STT3B: variants seen among roughly 807,000 people sequenced by gnomAD.
STT3B encodes the protein STT3 oligosaccharyltransferase complex catalytic subunit B, also known as dolichyl-diphosphooligosaccharide--protein glycosyltransferase subunit STT3B.
A neutral mutation model predicts 96.8 loss-of-function variants in STT3B; 29 were observed. The observed-to-expected ratio is 0.30, with a 90% CI of 0.22 to 0.41. STT3B has a LOEUF of 0.41. Among genes scored for constraint, STT3B ranks in the 10% least tolerant of loss-of-function variants. The probability of loss-of-function intolerance (pLI) is 1.00; values close to 1 mark genes in which losing one functional copy is unlikely to be tolerated. For missense variants in STT3B, 640 were observed against 1,022.3 expected, an observed-to-expected ratio of 0.63 and a Z score of 5.10; for synonymous variants, 367 against 360.0, an observed-to-expected ratio of 1.02 and a Z score of -0.22.
At chr3:31,623,968 T>G in intron 11 of STT3B, 107 bp downstream of exon 11, 1 of 979,366 alleles carries the variant, frequency 1.0e-6, no homozygotes, top group South Asian at 2.2e-5. Context: ...ATTCTGCATT[T>G]GCTTGTTTTT....
At chr3:31,567,771 G>A (rs1028488092) in intron 1 of STT3B, among the ~76,000 whole-genome samples, 3 of 151,958 alleles carry the variant, frequency 2.0e-5, no homozygotes, top group African/African-American at 7.3e-5. Flanking sequence ...TTTTGGTACA[G>A]GCATACAATG....
intron 1 of STT3B, among the ~76,000 whole-genome samples, chr3:31,535,682 C>G (rs1415122239): frequency 6.6e-6 from 1 of 152,142 alleles, no homozygotes; most frequent in Non-Finnish European, 1.5e-5. Context: ...GAGATCGCGC[C>G]ACTGCACTCC....
chr3:31,600,413 A>G lies in STT3B; in HGVS notation c.831A>G (p.Val277=), dbSNP rs762127048. ...VFIINLIPLH[V]FVLLLMQRYS... is the part of the protein sequence containing the mutation. ...TCATCAATCTTATTCCACTGCATGT[A>G]TTTGTGTTGTTACTGATGCAGAGAT... The change falls in exon 5 of 16, where the codon GTA becomes GTG. Residue 277 remains valine, a synonymous_variant. Transcript: ENST00000295770. 3 of 1,600,200 alleles carry G rather than the reference A, an allele frequency of 1.9e-6. No homozygotes were observed. Among genetic ancestry groups the G allele is most frequent in the East Asian group, 2.3e-5 (1 of 44,406 alleles).
Position 31,615,036 on chromosome 3 carries a change from T to C in STT3B, c.878-69T>C, listed in dbSNP as rs1470361390. The stretch of plus-strand genomic sequence containing the variant: ...TACTTTGCTAAAAACAGGATTTACA[T>C]ATACATTTATGTTTTAGGTACTTAA... On this transcript the variant is annotated intron_variant, in intron 5 of 15. Transcript: ENST00000295770. 4 of 894,398 alleles carry C rather than the reference T, an allele frequency of 4.5e-6. No individual in the cohort carries two copies. In the South Asian group the frequency reaches 5.1e-5, roughly 11 times the overall value. 55.4% of individuals were successfully genotyped at this position (894,398 alleles called of 1,614,324 possible). A position where few individuals can be genotyped will look rare whatever the true frequency, so the allele number is the denominator to read the frequency against.
chr3:31,551,891 T>TACTAACAGCCTCTATGATGTTTCC (rs1385229882), intron 1 of STT3B, among the ~76,000 whole-genome samples: 2 of 152,170 alleles, frequency 1.3e-5, no homozygotes, highest in African/African-American at 4.8e-5. Flanking sequence ...GGCAAGGAAC[T>TACTAACAGCCTCTATGATGTTTCC]ACTAACAGCC....
At position 31,608,530 on chromosome 3, in the gene STT3B, T is replaced by C. The variant is rs1699109546; in HGVS notation, c.878-6575T>C. On this transcript the variant is annotated intron_variant, in intron 5 of 15. Coordinates refer to ENST00000295770, the MANE Select transcript of STT3B (RefSeq NM_178862.3). ...GGATTAGTCCTCCAGTATCTCCTTA[T>C]ATTAAAACTCGGGATATTTAGAGCA... Among the ~76,000 whole-genome samples, 6 of 152,204 alleles carry C rather than the reference T, an allele frequency of 3.9e-5. No individual in the cohort carries two copies. The South Asian group carries it at 1.0e-3, about 26-fold the overall frequency.
intron 1 of STT3B, among the ~76,000 whole-genome samples, chr3:31,548,365 A>C (rs1697467321): frequency 6.6e-6 from 1 of 152,064 alleles, no homozygotes; most frequent in African/African-American, 2.4e-5. Flanking sequence ...AACCGGGGAG[A>C]AAAAAACAGC....
Position 31,533,263 on chromosome 3 carries a change from C to T in STT3B, c.265C>T (p.Leu89Phe), listed in dbSNP as rs1393138215. 1 of 1,525,522 alleles carries T rather than the reference C, an allele frequency of 6.6e-7. No individual in the cohort carries two copies. The highest frequency in any genetic ancestry group is 2.0e-5 in the Admixed American group (1 of 49,258). 94.5% of individuals were successfully genotyped at this position (1,525,522 alleles called of 1,614,324 possible). A position where few individuals can be genotyped will look rare whatever the true frequency, so the allele number is the denominator to read the frequency against. Residue 89 changes from leucine (L) to phenylalanine (F), a missense_variant, in exon 1 of 16, where the codon CTC (leucine) becomes TTC (phenylalanine). This residue lies in a region of STT3B where 267 missense variants were observed against 388.3 expected (regional missense o/e 0.69). Coordinates refer to ENST00000295770, the MANE Select transcript of STT3B (RefSeq NM_178862.3). Reference sequence around the variant, plus strand: ...CTGGCTTGCCGGCTTCAGCTCGCGCCTCTTCGCCGTCATCCGCTTCGAAAG... The same window carrying T: ...CTGGCTTGCCGGCTTCAGCTCGCGCTTCTTCGCCGTCATCCGCTTCGAAAG... ...LAWLAGFSSR[L>F]FAVIRFESII...
Position 31,605,329 on chromosome 3 carries a change from GT to G in STT3B, c.877+4879del, listed in dbSNP as rs915832699. Among the ~76,000 whole-genome samples the G allele has an allele frequency of 1.3e-4, 19 of 151,330 alleles. 1 individual carries two copies. The highest frequency in any genetic ancestry group is 3.9e-4 in the East Asian group (2 of 5,150). On this transcript the variant is annotated intron_variant, in intron 5 of 15. Transcript: ENST00000295770. ...AATTAAAATATAACCTGTAATAGGT[GT>G]TTTTTTTTATAATTTTAAAATTTGA...
At chr3:31,558,696 A>G (rs1697783587) in intron 1 of STT3B, among the ~76,000 whole-genome samples, 1 of 152,058 alleles carries the variant, frequency 6.6e-6, no homozygotes, top group South Asian at 2.1e-4. Flanking sequence ...GTTAAGGAGA[A>G]TTCCCTCCCC....
chr3:31,626,190 A>G, intron 13 of STT3B, 63 bp downstream of exon 13: 2 of 1,401,740 alleles, frequency 1.4e-6, no homozygotes, highest in Non-Finnish European at 2.0e-6. Context: ...TAATTCTCTC[A>G]TCTTGCTAAT....
intron 2 of STT3B, among the ~76,000 whole-genome samples, chr3:31,577,717 T>C (rs1575422909): frequency 6.6e-6 from 1 of 152,094 alleles, no homozygotes; most frequent in African/African-American, 2.4e-5. Context: ...GAGAAAGACA[T>C]AAAGAGATGA....
chr3:31,627,529 C>A (rs1699562177), intron 13 of STT3B, among the ~76,000 whole-genome samples: 1 of 152,126 alleles, frequency 6.6e-6, no homozygotes, highest in Non-Finnish European at 1.5e-5. Flanking sequence ...CAGCATTGTG[C>A]TTTTACATGA....
In STT3B at chr3:31,616,955, G is replaced by T. The variant is rs753757676; in HGVS notation, c.1003G>T (p.Ala335Ser). 1 of 1,610,858 alleles carries T rather than the reference G, an allele frequency of 6.2e-7. No homozygotes were observed. The highest frequency in any genetic ancestry group is 8.5e-7 in the Non-Finnish European group (1 of 1,177,632). Residue 335 changes from alanine (A) to serine (S), a missense_variant, in exon 7 of 16, where the codon GCT (alanine) becomes TCT (serine). Physicochemically the swap from Ala to Ser is moderately conservative, Grantham distance 99. This residue lies in a region of STT3B where 267 missense variants were observed against 388.3 expected (regional missense o/e 0.69). Transcript: ENST00000295770. Reference protein sequence around the residue: ...AGVFALLQAYAFLQYLRDRLT... With the variant: ...AGVFALLQAYSFLQYLRDRLT... ...TGTCTTTGCATTGCTGCAAGCTTAT[G>T]CTTTCTTGCAGTATCTGAGAGACCG...
intron 3 of STT3B, among the ~76,000 whole-genome samples, chr3:31,584,627 G>T (rs1392973370): frequency 6.6e-6 from 1 of 152,054 alleles, no homozygotes; most frequent in Non-Finnish European, 1.5e-5. Context: ...TTAACAGAAG[G>T]ATGGAATGGT....
chr3:31,556,629 G>T (rs1423096261), intron 1 of STT3B, among the ~76,000 whole-genome samples: 1 of 152,100 alleles, frequency 6.6e-6, no homozygotes, highest in Non-Finnish European at 1.5e-5. Context: ...ATTTTTATTT[G>T]CATTTCTCTG....
At chr3:31,560,156 T>C (rs73060046) in intron 1 of STT3B, among the ~76,000 whole-genome samples, 239 of 152,240 alleles carry the variant, frequency 1.6e-3, no homozygotes, top group South Asian at 5.6e-3. Flanking sequence ...TGTATATCTT[T>C]TAAGTGGAAA....
chr3:31,594,303 G>A (rs1415783356), intron 3 of STT3B, among the ~76,000 whole-genome samples: 1 of 152,032 alleles, frequency 6.6e-6, no homozygotes, highest in Non-Finnish European at 1.5e-5. Flanking sequence ...GAGATAGCAC[G>A]AGATCCCACA....
chr3:31,636,417 T>C lies in STT3B; in HGVS notation c.*353T>C, dbSNP rs1699756256. On this transcript the variant is annotated 3_prime_UTR_variant, in exon 16 of 16. Coordinates refer to ENST00000295770, the MANE Select transcript of STT3B (RefSeq NM_178862.3). Reference sequence around the variant, plus strand: ...CATACTTGTCAATGTTTTTATTCTTTTACAAGACCTGCATTTTATTTGAAT... The same window carrying C: ...CATACTTGTCAATGTTTTTATTCTTCTACAAGACCTGCATTTTATTTGAAT... 2 of 171,166 alleles carry C rather than the reference T, an allele frequency of 1.2e-5. No individual in the cohort carries two copies. Among genetic ancestry groups the C allele is most frequent in the East Asian group, 1.6e-4 (1 of 6,424 alleles). 10.6% of individuals were successfully genotyped at this position (171,166 alleles called of 1,614,324 possible).
Sources: allele counts gnomAD v4.1 joint callset (sites outside exome capture counted in the v4.1 genomes callset), GRCh38; gene constraint gnomAD v4.1.1; regional missense constraint gnomAD v4.1.1; transcripts MANE v1.5; gene names NCBI Gene and HGNC (gene_info 2026-07-23, HGNC 2026-07-21).